KIF1A: variants seen among roughly 807,000 people sequenced by gnomAD.
KIF1A encodes kinesin family member 1A.
Under a neutral mutation model 227.3 loss-of-function variants are expected in KIF1A, and 46 were observed. The observed-to-expected ratio is 0.20, with a 90% CI of 0.16 to 0.26. The LOEUF is 0.26. Among genes scored for constraint, KIF1A ranks in the 10% least tolerant of loss-of-function variants. KIF1A has a pLI of 1.00. For synonymous variants in KIF1A, 1,022 were observed against 1,012.8 expected (o/e 1.01, Z -0.17); for missense variants, 1,683 against 2,485.9 (o/e 0.68, Z 6.87).
In KIF1A at chr2:240,774,266, G is replaced by A. The variant is rs1413936879; in HGVS notation, c.959-5C>T. ...TAGCTGTCCTTGAGTTACCGCCTGT[G>A]GGAAGAAGACCAGGTTGTGCCCAGA... On this transcript the variant is annotated splice_polypyrimidine_tract_variant and splice_region_variant and intron_variant, in intron 11 of 48. Coordinates refer to ENST00000498729, the MANE Select transcript of KIF1A (RefSeq NM_001244008.2). 2 of 1,606,210 alleles carry A rather than the reference G, an allele frequency of 1.2e-6. No homozygotes were observed. The highest frequency in any genetic ancestry group is 8.5e-7 in the Non-Finnish European group (1 of 1,173,498).
At chr2:240,762,924 G>A in intron 22 of KIF1A, 95 bp downstream of exon 22, 1 of 1,390,540 alleles carries the variant, frequency 7.2e-7, no homozygotes, top group Non-Finnish European at 9.7e-7. Context: ...CAAGAGATGG[G>A]GCCAGGCAAG....
intron 47 of KIF1A, 109 bp from the exon 48 acceptor site, chr2:240,718,277 C>A: frequency 1.3e-6 from 1 of 787,246 alleles, no homozygotes; most frequent in Non-Finnish European, 2.2e-6. Context: ...CCAGGAAAGT[C>A]CCAGGGAGGG....
chr2:240,749,983 C>A (rs1224422223), intron 28 of KIF1A, among the ~76,000 whole-genome samples: 2 of 152,198 alleles, frequency 1.3e-5, no homozygotes, highest in African/African-American at 2.4e-5. Flanking sequence ...CAGAGACAGC[C>A]GGGTGGGTGG....
intron 38 of KIF1A, among the ~76,000 whole-genome samples, chr2:240,732,137 G>GGAGGAAGAAGAGGGGAGGAGGT (rs2046750001): frequency 1.1e-5 from 1 of 89,468 alleles, no homozygotes; most frequent in Admixed American, 1.0e-4. Context: ...GGGGAGGAGG[G>GGAGGAAGAAGAGGGGAGGAGGT]GATGAGGGAT....
At chr2:240,799,240 G>A (rs1054109674) in intron 1 of KIF1A, among the ~76,000 whole-genome samples, 4 of 152,080 alleles carry the variant, frequency 2.6e-5, no homozygotes, top group Non-Finnish European at 5.9e-5. Context: ...TCAAGAGCAG[G>A]AAGGGTCTGT....
At chr2:240,718,021 C>G in intron 48 of KIF1A, 29 bp downstream of exon 48, 1 of 1,477,448 alleles carries the variant, frequency 6.8e-7, no homozygotes, top group Non-Finnish European at 9.3e-7. Flanking sequence ...ACCCCCATGG[C>G]AGCAACCTCG....
chr2:240,765,617 C>T lies in KIF1A; in HGVS notation c.1768+93G>A, dbSNP rs1389373500. 13 of 1,011,172 alleles carry T rather than the reference C, an allele frequency of 1.3e-5. No individual in the cohort carries two copies. In the Admixed American group the frequency reaches 1.4e-4, roughly 11 times the overall value. 62.6% of individuals were successfully genotyped at this position (1,011,172 alleles called of 1,614,324 possible). A position where few individuals can be genotyped will look rare whatever the true frequency, so the allele number is the denominator to read the frequency against. Reference sequence around the variant, plus strand: ...GGCCCTTAAGAGCTGCCATCCCGCACAGTGCACAGGAGGCGGTGGCTTGGA... The same window carrying T: ...GGCCCTTAAGAGCTGCCATCCCGCATAGTGCACAGGAGGCGGTGGCTTGGA... On this transcript the variant is annotated intron_variant, in intron 20 of 48. Transcript: ENST00000498729.
chr2:240,818,007 C>A (rs570313775), intron 1 of KIF1A, among the ~76,000 whole-genome samples: 2 of 152,322 alleles, frequency 1.3e-5, no homozygotes, highest in African/African-American at 4.8e-5. Context: ...CGGCTGGAGC[C>A]CCAGATGGGG....
chr2:240,727,342 T>A (rs970027424), intron 38 of KIF1A, among the ~76,000 whole-genome samples: 1 of 151,896 alleles, frequency 6.6e-6, no homozygotes, highest in Non-Finnish European at 1.5e-5. Flanking sequence ...AGGAGAGGAC[T>A]CAGGCAGGGA....
At chr2:240,781,490 T>C (rs976409494) in intron 10 of KIF1A, among the ~76,000 whole-genome samples, 585 of 18,404 alleles carry the variant, frequency 0.032, no homozygotes, top group Middle Eastern at 0.045. Flanking sequence ...CACACACAGC[T>C]CCACACACAG....
At chr2:240,770,493 T>C (rs1026030264) in intron 15 of KIF1A, among the ~76,000 whole-genome samples, 22 of 152,102 alleles carry the variant, frequency 1.4e-4, no homozygotes, top group African/African-American at 4.8e-4. Flanking sequence ...CTGTCGTCAG[T>C]GGAGGGGATG....
At chr2:240,800,484 C>T (rs974619880) in intron 1 of KIF1A, among the ~76,000 whole-genome samples, 23 of 152,268 alleles carry the variant, frequency 1.5e-4, no homozygotes, top group African/African-American at 2.2e-4. Context: ...AGCTGGCCTC[C>T]GCAGCACAGC....
chr2:240,795,155 CA>C (rs1406375960), intron 2 of KIF1A, among the ~76,000 whole-genome samples: 1 of 152,004 alleles, frequency 6.6e-6, no homozygotes, highest in African/African-American at 2.4e-5. Flanking sequence ...ACCAGTTGCC[CA>C]AAAAAAGTGT....
chr2:240,776,692 TA>T (rs2125988986), intron 10 of KIF1A, among the ~76,000 whole-genome samples: 1 of 152,350 alleles, frequency 6.6e-6, no homozygotes, highest in East Asian at 1.9e-4. Flanking sequence ...TGCATTGGCT[TA>T]TGAAGCATTT....
chr2:240,737,085 T>C lies in KIF1A; in HGVS notation c.3985A>G (p.Ile1329Val). The stretch of plus-strand genomic sequence containing the variant: ...CACCGGTCATCTTGGGCTGGGTGGA[T>C]GTATCCGGAAGAGAGGATGTTGAGA... ...LSLNILSSGYIHPAQDDRTFY... is the reference protein window; with the variant it reads ...LSLNILSSGYVHPAQDDRTFY... Residue 1329 changes from isoleucine (I) to valine (V), a missense_variant, in exon 38 of 49, where the codon ATC (isoleucine) becomes GTC (valine). Transcript: ENST00000498729. The C allele has an allele frequency of 2.5e-6, 4 of 1,613,248 alleles. No homozygotes were observed. Among genetic ancestry groups the C allele is most frequent in the Non-Finnish European group, 3.4e-6 (4 of 1,179,286 alleles).
chr2:240,747,773 G>A (rs932090646), intron 28 of KIF1A, among the ~76,000 whole-genome samples: 1 of 152,010 alleles, frequency 6.6e-6, no homozygotes, highest in Non-Finnish European at 1.5e-5. Flanking sequence ...GCCACCAACC[G>A]CCCCTCCACG....
chr2:240,787,780 G>C (rs2055136602), intron 4 of KIF1A, among the ~76,000 whole-genome samples: 1 of 152,152 alleles, frequency 6.6e-6, no homozygotes, highest in African/African-American at 2.4e-5. Context: ...CCCCAGCCAG[G>C]GCTCTCCCAG....
In KIF1A at chr2:240,717,092, AC is replaced by A. The variant is rs1377680830; in HGVS notation, c.*271del. On this transcript the variant is annotated 3_prime_UTR_variant, in exon 49 of 49. Coordinates refer to ENST00000498729, the MANE Select transcript of KIF1A (RefSeq NM_001244008.2). Reference sequence around the variant, plus strand: ...AAAAAATATTAGAACGGCAGCAAGAACCCCCGTAACCTGTGCCCTTGGCCCC... The same window carrying A: ...AAAAAATATTAGAACGGCAGCAAGAACCCCGTAACCTGTGCCCTTGGCCCC... 1 of 440,718 alleles carries A rather than the reference AC, an allele frequency of 2.3e-6. No homozygotes were observed. Among genetic ancestry groups the A allele is most frequent in the Non-Finnish European group, 4.0e-6 (1 of 248,648 alleles). The allele number at this position is 440,718 out of a possible 1,614,324, so 27.3% of individuals were successfully genotyped here. A position where few individuals can be genotyped will look rare whatever the true frequency, so the allele number is the denominator to read the frequency against.
intron 10 of KIF1A, among the ~76,000 whole-genome samples, chr2:240,777,677 G>A (rs1233954693): frequency 6.6e-6 from 1 of 152,182 alleles, no homozygotes; most frequent in Non-Finnish European, 1.5e-5. Context: ...GGCTAAAGCA[G>A]ACACTGTGAG....
Sources: allele counts gnomAD v4.1 joint callset (sites outside exome capture counted in the v4.1 genomes callset), GRCh38; gene constraint gnomAD v4.1.1; transcripts MANE v1.5; gene names NCBI Gene and HGNC (gene_info 2026-07-23, HGNC 2026-07-21).